CDH12: variants seen among roughly 807,000 people sequenced by gnomAD.
The protein encoded by CDH12 is cadherin 12.
Under a neutral mutation model 74.1 loss-of-function variants are expected in CDH12, and 41 were observed. The ratio of observed to expected loss-of-function variants is 0.55; its 90% CI spans 0.43 to 0.72. The LOEUF (loss-of-function observed/expected upper bound fraction) is 0.72. Among genes scored for constraint, CDH12 ranks in the 30% least tolerant of loss-of-function variants. The probability of loss-of-function intolerance (pLI) is 0.00; values close to 1 mark genes in which losing one functional copy is unlikely to be tolerated. For synonymous variants in CDH12, 399 were observed against 355.0 expected, an observed-to-expected ratio of 1.12 and a Z score of -1.39; for missense variants, 945 against 977.2, an observed-to-expected ratio of 0.97 and a Z score of 0.44.
chr5:22,578,862 C>T (rs1739934645), intron 1 of CDH12, among the ~76,000 whole-genome samples: 1 of 152,076 alleles, frequency 6.6e-6, no homozygotes, highest in African/African-American at 2.4e-5. Context: ...TCTTCTGTTG[C>T]TATATTTTAG....
chr5:22,418,364 T>C (rs1296615261), intron 2 of CDH12, among the ~76,000 whole-genome samples: 2 of 152,176 alleles, frequency 1.3e-5, no homozygotes, highest in African/African-American at 4.8e-5. Flanking sequence ...GGTGGAGTTT[T>C]CTAAATATAC....
At chr5:21,817,870 A>G (rs1445017106) in intron 8 of CDH12, among the ~76,000 whole-genome samples, 1 of 151,968 alleles carries the variant, frequency 6.6e-6, no homozygotes, top group African/African-American at 2.4e-5. Flanking sequence ...GAGCGTTTAT[A>G]TTACTATGAA....
chr5:22,345,878 C>T (rs995752291), intron 3 of CDH12, among the ~76,000 whole-genome samples: 14 of 151,950 alleles, frequency 9.2e-5, no homozygotes, highest in South Asian at 4.1e-4. Context: ...CTGAGGCAGG[C>T]GGATCGCCTG....
At chr5:22,473,480 C>T (rs1427030551) in intron 2 of CDH12, among the ~76,000 whole-genome samples, 1 of 152,042 alleles carries the variant, frequency 6.6e-6, no homozygotes, top group African/African-American at 2.4e-5. Context: ...AAAGCACTCA[C>T]CTTAGTTTAA....
chr5:22,470,831 T>C (rs1326698912), intron 2 of CDH12, among the ~76,000 whole-genome samples: 1 of 150,852 alleles, frequency 6.6e-6, no homozygotes, highest in Non-Finnish European at 1.5e-5. Flanking sequence ...GCCCTTTTTT[T>C]TCCATCATAC....
At chr5:22,390,620 AGATG>A (rs902364935) in intron 3 of CDH12, among the ~76,000 whole-genome samples, 25 of 137,108 alleles carry the variant, frequency 1.8e-4, no homozygotes, top group African/African-American at 5.9e-4. Flanking sequence ...ATAGATAGAT[AGATG>A]ATAGAATATT....
intron 5 of CDH12, among the ~76,000 whole-genome samples, chr5:21,983,220 T>G (rs138317812): frequency 0.011 from 1,742 of 152,126 alleles, 31 homozygotes; most frequent in African/African-American, 0.039. Context: ...TTTACCCTCA[T>G]ATATAATTAA....
intron 6 of CDH12, among the ~76,000 whole-genome samples, chr5:21,953,928 A>G (rs1395053059): frequency 6.6e-6 from 1 of 152,148 alleles, no homozygotes; most frequent in Non-Finnish European, 1.5e-5. Flanking sequence ...CTCAGACTAT[A>G]TCTATGAAAA....
At chr5:22,024,059 T>C (rs1738176523) in intron 5 of CDH12, among the ~76,000 whole-genome samples, 1 of 152,136 alleles carries the variant, frequency 6.6e-6, no homozygotes. Context: ...CCCACTACCA[T>C]GGGGAGGTGA....
chr5:22,165,477 CACACAT>C (rs1335079502), intron 4 of CDH12, among the ~76,000 whole-genome samples: 50 of 133,614 alleles, frequency 3.7e-4, no homozygotes, highest in South Asian at 2.1e-3. Context: ...AGCCTCCCAA[CACACAT>C]ACACATACAC....
chr5:22,103,033 G>A (rs898798960), intron 4 of CDH12, among the ~76,000 whole-genome samples: 2 of 152,066 alleles, frequency 1.3e-5, no homozygotes, highest in East Asian at 3.9e-4. Flanking sequence ...AGTGTGGCTC[G>A]TGTACGTTTC....
intron 6 of CDH12, among the ~76,000 whole-genome samples, chr5:21,937,862 C>T (rs1213556701): frequency 6.6e-6 from 1 of 152,172 alleles, no homozygotes; most frequent in Non-Finnish European, 1.5e-5. Flanking sequence ...CAGACCTTCC[C>T]CAAGCATGTT....
intron 1 of CDH12, among the ~76,000 whole-genome samples, chr5:22,822,889 AC>A (rs1170903204): frequency 1.3e-5 from 2 of 152,104 alleles, no homozygotes; most frequent in African/African-American, 4.8e-5. Flanking sequence ...CTGGGTATAT[AC>A]CCAAAGAATT....
intron 4 of CDH12, among the ~76,000 whole-genome samples, chr5:22,112,852 C>A (rs1407413170): frequency 1.3e-5 from 2 of 152,096 alleles, no homozygotes; most frequent in Non-Finnish European, 2.9e-5. Context: ...AGCTAAATGT[C>A]TCTAAGCACA....
intron 4 of CDH12, among the ~76,000 whole-genome samples, chr5:22,206,311 C>T (rs116316978): frequency 1.9e-3 from 293 of 152,260 alleles, no homozygotes; most frequent in African/African-American, 6.7e-3. Context: ...AGATAACTTG[C>T]GTGCCTGTTC....
chr5:22,755,992 C>G (rs187111472), intron 1 of CDH12, among the ~76,000 whole-genome samples: 1 of 150,474 alleles, frequency 6.6e-6, no homozygotes, highest in East Asian at 2.0e-4. Context: ...TTCTACTAAA[C>G]CATCCTTAAA....
chr5:22,233,102 T>A lies in CDH12; in HGVS notation c.-332-20459A>T, dbSNP rs372151471. On this transcript the variant is annotated intron_variant, in intron 3 of 14. Transcript: ENST00000382254. ...ATTTTAAAAGATTACTTTTAATGATTTTAAAGGTTATTATCAACATTCTAA... is the reference window on the plus strand; with the variant it reads ...ATTTTAAAAGATTACTTTTAATGATATTAAAGGTTATTATCAACATTCTAA... Among the ~76,000 whole-genome samples, 5 of 151,530 alleles carry A rather than the reference T, an allele frequency of 3.3e-5. No individual in the cohort carries two copies. The East Asian group carries it at 9.7e-4, about 29-fold the overall frequency.
At chr5:22,520,218 A>G (rs1272140756) in intron 1 of CDH12, among the ~76,000 whole-genome samples, 5 of 151,906 alleles carry the variant, frequency 3.3e-5, no homozygotes, top group Non-Finnish European at 7.4e-5. Context: ...AGTGATTGTT[A>G]TTTATTTTTC....
intron 4 of CDH12, among the ~76,000 whole-genome samples, chr5:22,091,501 A>G (rs1743432880): frequency 6.6e-6 from 1 of 151,920 alleles, no homozygotes; most frequent in African/African-American, 2.4e-5. Flanking sequence ...AAAACCTAAC[A>G]AAAGAAGTGA....
Sources: allele counts gnomAD v4.1 joint callset (sites outside exome capture counted in the v4.1 genomes callset), GRCh38; gene constraint gnomAD v4.1.1; transcripts MANE v1.5; gene names NCBI Gene and HGNC (gene_info 2026-07-23, HGNC 2026-07-21).